Variants in PDE11A observed in about 807,000 individuals in gnomAD.
PDE11A encodes dual 3',5'-cyclic-AMP and -GMP phosphodiesterase 11A.
Under a neutral mutation model 100.5 loss-of-function variants are expected in PDE11A, and 100 were observed. The observed-to-expected ratio is 1.00, with a 90% CI of 0.85 to 1.18. The LOEUF (loss-of-function observed/expected upper bound fraction) is 1.18, where lower values mean the gene tolerates loss of function less well. PDE11A is among the 50% of genes most tolerant of loss of function. The pLI, the probability that PDE11A is intolerant of heterozygous loss-of-function variation, is 0.00. For missense variants in PDE11A, 1,141 were observed against 1,152.6 expected (o/e 0.99, Z 0.15); for synonymous variants, 381 against 420.8 (o/e 0.91, Z 1.16).
At chr2:177,949,480 G>A (rs2085481537) in intron 2 of PDE11A, among the ~76,000 whole-genome samples, 1 of 152,082 alleles carries the variant, frequency 6.6e-6, no homozygotes, top group African/African-American at 2.4e-5. Flanking sequence ...TCTTATTTGA[G>A]TAGGCATCTG....
chr2:177,899,652 AT>A (rs2084667876), intron 3 of PDE11A: 1 of 217,358 alleles, frequency 4.6e-6, no homozygotes, highest in Non-Finnish European at 9.5e-6. Flanking sequence ...ATATATATAT[AT>A]ATGTAATTTA....
At chr2:177,903,213 C>T (rs2084726571) in intron 3 of PDE11A, among the ~76,000 whole-genome samples, 1 of 152,166 alleles carries the variant, frequency 6.6e-6, no homozygotes, top group Admixed American at 6.5e-5. Flanking sequence ...GCCAGAAATG[C>T]TCTCCGCAGA....
At chr2:177,865,723 T>G (rs1417374465) in intron 5 of PDE11A, among the ~76,000 whole-genome samples, 1 of 152,208 alleles carries the variant, frequency 6.6e-6, no homozygotes, top group Non-Finnish European at 1.5e-5. Flanking sequence ...AGTGAAAACA[T>G]TATGTTAAGT....
At chr2:178,006,964 T>C (rs1413758505) in intron 2 of PDE11A, among the ~76,000 whole-genome samples, 3 of 152,076 alleles carry the variant, frequency 2.0e-5, no homozygotes, top group South Asian at 2.1e-4. Flanking sequence ...TTTAGAAGAG[T>C]GAATGAGAAA....
chr2:178,028,242 A>C (rs1312117140), intron 1 of PDE11A, among the ~76,000 whole-genome samples: 1 of 151,244 alleles, frequency 6.6e-6, no homozygotes, highest in Non-Finnish European at 1.5e-5. Flanking sequence ...GCTACAAATA[A>C]GCAAAGTGCC....
chr2:177,847,254 C>G lies in PDE11A; in HGVS notation c.1368-6871G>C, dbSNP rs16865829. Among the ~76,000 whole-genome samples, 1,099 of 152,284 alleles carry G rather than the reference C, an allele frequency of 7.2e-3. 12 individuals carry two copies. Among genetic ancestry groups the G allele is most frequent in the African/African-American group, 0.025 (1,023 of 41,556 alleles). Reference sequence around the variant, plus strand: ...ACCTCCTTCATTCTAGAACCTATTTCTAGCAACAAACATCAGGAGTGATAG... The same window carrying G: ...ACCTCCTTCATTCTAGAACCTATTTGTAGCAACAAACATCAGGAGTGATAG... On this transcript the variant is annotated intron_variant, in intron 5 of 19. Coordinates refer to ENST00000286063, the MANE Select transcript of PDE11A (RefSeq NM_016953.4).
At chr2:177,713,938 C>A (rs955972556) in intron 12 of PDE11A, among the ~76,000 whole-genome samples, 6 of 140,806 alleles carry the variant, frequency 4.3e-5, no homozygotes, top group Admixed American at 1.4e-4. Context: ...TTTCTATTTT[C>A]TTTTTCACCT....
intron 8 of PDE11A, among the ~76,000 whole-genome samples, chr2:177,817,367 A>G (rs1331141274): frequency 1.3e-5 from 2 of 152,206 alleles, no homozygotes; most frequent in Non-Finnish European, 2.9e-5. Context: ...CCATTAATAA[A>G]GAAGCTATGA....
In PDE11A at chr2:177,850,577, C is replaced by T. The variant is rs187099220; in HGVS notation, c.1368-10194G>A. On this transcript the variant is annotated intron_variant, in intron 5 of 19. Transcript: ENST00000286063. Reference sequence around the variant, plus strand: ...AAGAGCTTCTGCACAGCAAAAGAAACGACCATCAGAGTGAACAGGCAACCT... The same window carrying T: ...AAGAGCTTCTGCACAGCAAAAGAAATGACCATCAGAGTGAACAGGCAACCT... Among the ~76,000 whole-genome samples the T allele has an allele frequency of 6.8e-4, 103 of 152,228 alleles. 2 individuals carry two copies. The highest frequency in any genetic ancestry group is 2.2e-3 in the African/African-American group (92 of 41,534).
chr2:177,990,438 G>T (rs539509400), intron 2 of PDE11A, among the ~76,000 whole-genome samples: 1 of 152,044 alleles, frequency 6.6e-6, no homozygotes, highest in Non-Finnish European at 1.5e-5. Context: ...ATCTGGGGGG[G>T]ATAGTTTCAA....
chr2:177,811,215 A>T (rs1293984224), intron 9 of PDE11A, among the ~76,000 whole-genome samples: 1 of 151,992 alleles, frequency 6.6e-6, no homozygotes, highest in Non-Finnish European at 1.5e-5. Context: ...AAGAATTTCT[A>T]CTCTCAGAAA....
Position 177,746,601 on chromosome 2 carries a change from T to C in PDE11A, c.1789-18429A>G, listed in dbSNP as rs549854588. On this transcript the variant is annotated intron_variant, in intron 10 of 19. Transcript: ENST00000286063. ...ACTTAAAAAGGAAAAAGAATCAGTC[T>C]GGTATTTTATCTCTCAAGGCAAACT... Among the ~76,000 whole-genome samples the C allele has an allele frequency of 4.6e-5, 7 of 152,334 alleles. No homozygotes were observed. The South Asian group carries it at 1.2e-3, about 27-fold the overall frequency.
chr2:178,020,384 A>G (rs1470032324), intron 1 of PDE11A, among the ~76,000 whole-genome samples: 3 of 152,240 alleles, frequency 2.0e-5, no homozygotes, highest in African/African-American at 7.2e-5. Flanking sequence ...CCAAAGTCAC[A>G]TGAGAACAAT....
chr2:177,756,491 C>A (rs1417700184), intron 10 of PDE11A, among the ~76,000 whole-genome samples: 1 of 152,132 alleles, frequency 6.6e-6, no homozygotes, highest in African/African-American at 2.4e-5. Flanking sequence ...AAGTGGTTTT[C>A]CTCAAAAGCC....
At chr2:177,889,578 T>C (rs1218473394) in intron 4 of PDE11A, among the ~76,000 whole-genome samples, 5 of 152,074 alleles carry the variant, frequency 3.3e-5, no homozygotes, top group Non-Finnish European at 5.9e-5. Context: ...TTTTTATCAT[T>C]CTCCTTTTTT....
At chr2:177,678,263 CAG>C (rs1237719668) in intron 16 of PDE11A, among the ~76,000 whole-genome samples, 1 of 152,250 alleles carries the variant, frequency 6.6e-6, no homozygotes, top group East Asian at 1.9e-4. Context: ...AAACGACACC[CAG>C]AGAGTTTGAG....
chr2:177,877,294 C>T (rs1053562016), intron 4 of PDE11A, among the ~76,000 whole-genome samples: 4 of 124,762 alleles, frequency 3.2e-5, no homozygotes, highest in South Asian at 2.5e-4. Context: ...CCTCCCAAGT[C>T]GCTGGGATTA....
At chr2:177,750,343 C>T (rs1017516415) in intron 10 of PDE11A, among the ~76,000 whole-genome samples, 2 of 152,204 alleles carry the variant, frequency 1.3e-5, no homozygotes, top group African/African-American at 4.8e-5. Flanking sequence ...ATATACATTA[C>T]TGTAATTAAA....
At chr2:177,879,567 C>T (rs1224308874) in intron 4 of PDE11A, among the ~76,000 whole-genome samples, 2 of 152,190 alleles carry the variant, frequency 1.3e-5, no homozygotes, top group African/African-American at 4.8e-5. Flanking sequence ...TTTGCCCTGG[C>T]TCCTCAAAAC....
Sources: allele counts gnomAD v4.1 joint callset (sites outside exome capture counted in the v4.1 genomes callset), GRCh38; gene constraint gnomAD v4.1.1; transcripts MANE v1.5; gene names NCBI Gene and HGNC (gene_info 2026-07-23, HGNC 2026-07-21).